Variants in GRIA3 observed in about 807,000 individuals in gnomAD.
The protein encoded by GRIA3 is glutamate ionotropic receptor AMPA type subunit 3.
In GRIA3, 3 loss-of-function variants were observed where a neutral mutation model predicts 63.0. That is an observed-to-expected ratio of 0.05 (90% CI 0.02 to 0.12). The LOEUF is 0.12. Ranked by LOEUF, GRIA3 falls within the 10% of genes least tolerant of loss-of-function variation. GRIA3 has a pLI of 1.00. For missense variants in GRIA3, 347 were observed against 700.9 expected, an observed-to-expected ratio of 0.50 and a Z score of 5.70; for synonymous variants, 274 against 257.9, an observed-to-expected ratio of 1.06 and a Z score of -0.60.
chrX:123,444,585 G>A (rs1465431043), intron 12 of GRIA3, among the ~76,000 whole-genome samples: 3 of 111,429 alleles, frequency 2.7e-5, no homozygotes, highest in African/African-American at 9.8e-5. Context: ...ACAGCCCCAA[G>A]TGACTGAATG....
intron 3 of GRIA3, among the ~76,000 whole-genome samples, chrX:123,296,289 A>G (rs1379877510): frequency 1.8e-5 from 2 of 110,740 alleles, no homozygotes; most frequent in Admixed American, 9.7e-5. Flanking sequence ...TTACTACTGA[A>G]TGGTGTTATC....
chrX:123,316,504 G>A (rs61212008), intron 3 of GRIA3, among the ~76,000 whole-genome samples: 4,733 of 111,750 alleles, frequency 0.042, 234 homozygotes, highest in African/African-American at 0.15. Flanking sequence ...AAACATGTCC[G>A]TAAATGTTTG....
chrX:123,234,625 C>T (rs749862884), intron 2 of GRIA3, among the ~76,000 whole-genome samples: 1 of 111,730 alleles, frequency 9.0e-6, no homozygotes, highest in Non-Finnish European at 1.9e-5. Context: ...TCATTTTATA[C>T]CTTGTGGCAA....
At chrX:123,281,376 T>A (rs777083663) in intron 3 of GRIA3, among the ~76,000 whole-genome samples, 2 of 112,383 alleles carry the variant, frequency 1.8e-5, no homozygotes, top group East Asian at 2.8e-4. Context: ...GGTTTTAGTG[T>A]CTCTAACAAT....
Position 123,464,903 on chromosome X carries a change from C to T in GRIA3, c.2115C>T (p.Tyr705=), listed in dbSNP as rs1439254791. 1 of 1,206,358 alleles carries T rather than the reference C, an allele frequency of 8.3e-7. No individual in the cohort carries two copies. The highest frequency in any genetic ancestry group is 1.8e-5 in the South Asian group (1 of 56,847). ...CTGTGTACGAGAAAATGTGGTCTTA[C>T]ATGAAATCAGCGGAGCCATCTGTGT... ...KIAVYEKMWS[Y]MKSAEPSVFT... The change falls in exon 13 of 16, where the codon TAC becomes TAT. Residue 705 remains tyrosine (Y), a synonymous_variant. Coordinates refer to ENST00000620443, the MANE Select transcript of GRIA3 (RefSeq NM_007325.5).
At chrX:123,250,853 A>G (rs1432279249) in intron 2 of GRIA3, among the ~76,000 whole-genome samples, 2 of 112,315 alleles carry the variant, frequency 1.8e-5, no homozygotes, top group African/African-American at 6.5e-5. Context: ...TTTACCTGAA[A>G]TTCAAATTTA....
chrX:123,238,679 G>C (rs1428629881), intron 2 of GRIA3, among the ~76,000 whole-genome samples: 1 of 111,672 alleles, frequency 9.0e-6, no homozygotes, highest in Non-Finnish European at 1.9e-5. Flanking sequence ...GCCACTAATG[G>C]GTTGTACCCT....
At chrX:123,282,272 T>C (rs1440440867) in intron 3 of GRIA3, among the ~76,000 whole-genome samples, 1 of 112,112 alleles carries the variant, frequency 8.9e-6, no homozygotes, top group African/African-American at 3.2e-5. Flanking sequence ...GAAACAATGA[T>C]CTGTAGTATT....
chrX:123,250,400 G>A (rs779392247), intron 2 of GRIA3, among the ~76,000 whole-genome samples: 6 of 111,908 alleles, frequency 5.4e-5, no homozygotes, highest in South Asian at 3.7e-4. Flanking sequence ...CCAGAACCTC[G>A]CCACTTATCT....
intron 5 of GRIA3, among the ~76,000 whole-genome samples, chrX:123,369,824 G>A (rs916554838): frequency 9.0e-6 from 1 of 111,526 alleles, no homozygotes; most frequent in African/African-American, 3.3e-5. Context: ...CCAAACTTGA[G>A]GTCAGTGTGT....
chrX:123,200,111 T>G lies in GRIA3; in HGVS notation c.268+14121T>G, dbSNP rs182864714. Among the ~76,000 whole-genome samples the G allele has an allele frequency of 4.0e-3, 446 of 111,177 alleles. 4 individuals carry two copies. The highest frequency in any genetic ancestry group is 0.014 in the African/African-American group (430 of 30,584). On this transcript the variant is annotated intron_variant, in intron 2 of 15. Coordinates refer to ENST00000620443, the MANE Select transcript of GRIA3 (RefSeq NM_007325.5). ...AACTGTACTAAAGTAACACCACAGA[T>G]TTATTACTTTACTACCTTCTGTTAT...
chrX:123,474,385 T>TA (rs1338198393), intron 13 of GRIA3, among the ~76,000 whole-genome samples: 1 of 112,391 alleles, frequency 8.9e-6, no homozygotes, highest in South Asian at 3.7e-4. Flanking sequence ...TTTTGTTTTT[T>TA]AAAAAAATTA....
intron 2 of GRIA3, among the ~76,000 whole-genome samples, chrX:123,201,212 C>A (rs1025883297): frequency 2.7e-5 from 3 of 112,114 alleles, no homozygotes; most frequent in African/African-American, 9.7e-5. Context: ...TATGTCCTTG[C>A]ATGAGTTATT....
At chrX:123,419,679 T>G (rs761484930) in intron 11 of GRIA3, among the ~76,000 whole-genome samples, 1 of 111,094 alleles carries the variant, frequency 9.0e-6, no homozygotes, top group Non-Finnish European at 1.9e-5. Context: ...TTTAAAATTT[T>G]GATATTATGC....
At chrX:123,312,939 G>C (rs1220035688) in intron 3 of GRIA3, among the ~76,000 whole-genome samples, 1 of 111,651 alleles carries the variant, frequency 9.0e-6, no homozygotes, top group Non-Finnish European at 1.9e-5. Context: ...GCACAATGAA[G>C]AGATTGGGAC....
At chrX:123,320,691 T>C (rs754978705) in intron 3 of GRIA3, among the ~76,000 whole-genome samples, 120 of 112,324 alleles carry the variant, frequency 1.1e-3, no homozygotes, top group Middle Eastern at 4.6e-3. Context: ...TTGGACATGA[T>C]GCACTTGAAA....
At chrX:123,428,720 T>C (rs2045602892) in intron 12 of GRIA3, among the ~76,000 whole-genome samples, 1 of 111,906 alleles carries the variant, frequency 8.9e-6, no homozygotes, top group African/African-American at 3.3e-5. Flanking sequence ...GGTAGACGTA[T>C]TCCCTCAGCT....
intron 12 of GRIA3, among the ~76,000 whole-genome samples, chrX:123,445,655 C>A (rs1456282804): frequency 1.8e-5 from 2 of 112,112 alleles, no homozygotes; most frequent in Non-Finnish European, 3.8e-5. Context: ...ACAGCAGGAC[C>A]CTGCCTTAAG....
At chrX:123,225,223 G>A (rs1253306459) in intron 2 of GRIA3, among the ~76,000 whole-genome samples, 2 of 111,854 alleles carry the variant, frequency 1.8e-5, no homozygotes, top group East Asian at 5.6e-4. Context: ...CAATAGTGTT[G>A]CAAGTAAATG....
Sources: allele counts gnomAD v4.1 joint callset (sites outside exome capture counted in the v4.1 genomes callset), GRCh38; gene constraint gnomAD v4.1.1; transcripts MANE v1.5; gene names NCBI Gene and HGNC (gene_info 2026-07-23, HGNC 2026-07-21).